The following ROBO1 variants were observed in gnomAD, a reference collection of about 807,000 sequenced individuals.
ROBO1 encodes the protein roundabout guidance receptor 1.
In ROBO1, 149 loss-of-function variants were observed where a neutral mutation model predicts 195.9. The ratio of observed to expected loss-of-function variants is 0.76; its 90% CI spans 0.67 to 0.87. The LOEUF (loss-of-function observed/expected upper bound fraction) is 0.87. Ranked by LOEUF, ROBO1 falls within the 40% of genes least tolerant of loss-of-function variation. The pLI, the probability that ROBO1 is intolerant of heterozygous loss-of-function variation, is 0.00. For missense variants in ROBO1, 1,933 were observed against 2,068.3 expected (o/e 0.93, Z 1.27); for synonymous variants, 816 against 733.2 (o/e 1.11, Z -1.82).
intron 2 of ROBO1, among the ~76,000 whole-genome samples, chr3:79,452,356 C>G (rs888239228): frequency 8.5e-5 from 13 of 152,210 alleles, no homozygotes; most frequent in African/African-American, 2.4e-4. Flanking sequence ...CTTCCCCCAT[C>G]TGGAGCATCA....
At position 78,627,473 on chromosome 3, in the gene ROBO1, G is replaced by C; in HGVS notation, c.3723C>G (p.Pro1241=). The change falls in exon 26 of 31, where the codon CCC becomes CCG. Residue 1241 remains proline, a synonymous_variant. Transcript: ENST00000464233. ...GAGAAGAAGCTGCTCCCCGAACAGG[G>C]GGAGTGGGGCCTCGTTCATCTTCCT... The part of the protein sequence containing the change: ...EEEEDERGPT[P]PVRGAASSPA... The C allele has an allele frequency of 6.2e-7, 1 of 1,613,192 alleles. No individual in the cohort carries two copies. Among genetic ancestry groups the C allele is most frequent in the South Asian group, 1.1e-5 (1 of 90,934 alleles).
chr3:78,909,807 AAC>A (rs2038141265), intron 4 of ROBO1, among the ~76,000 whole-genome samples: 1 of 151,802 alleles, frequency 6.6e-6, no homozygotes, highest in African/African-American at 2.4e-5. Flanking sequence ...ATTTTAGTAA[AAC>A]AGTTATTTAA....
At chr3:78,873,253 C>A (rs1210682240) in intron 4 of ROBO1, among the ~76,000 whole-genome samples, 1 of 152,128 alleles carries the variant, frequency 6.6e-6, no homozygotes, top group Non-Finnish European at 1.5e-5. Context: ...CAAGGGAACT[C>A]AGGTAGTTCC....
chr3:79,533,251 C>T (rs1256615192), intron 2 of ROBO1: 1 of 168,320 alleles, frequency 5.9e-6, no homozygotes, highest in Non-Finnish European at 1.3e-5. Flanking sequence ...ATATTTTTTA[C>T]ATCATCCATT....
chr3:78,762,645 T>A (rs555239173), intron 4 of ROBO1, among the ~76,000 whole-genome samples: 1 of 152,030 alleles, frequency 6.6e-6, no homozygotes, highest in East Asian at 1.9e-4. Flanking sequence ...ACTTGATTCA[T>A]GCATAGCAAT....
At chr3:79,290,131 C>T (rs1314589492) in intron 2 of ROBO1, among the ~76,000 whole-genome samples, 5 of 152,048 alleles carry the variant, frequency 3.3e-5, no homozygotes, top group African/African-American at 1.2e-4. Flanking sequence ...CTCCGCCTCC[C>T]GGATTCAAGT....
intron 1 of ROBO1, among the ~76,000 whole-genome samples, chr3:79,672,456 A>G (rs1328634806): frequency 2.0e-5 from 3 of 151,932 alleles, no homozygotes; most frequent in Non-Finnish European, 4.4e-5. Flanking sequence ...TTAATAACTC[A>G]TCCAATAAGT....
intron 2 of ROBO1, among the ~76,000 whole-genome samples, chr3:79,128,791 T>A (rs2080265644): frequency 6.6e-6 from 1 of 152,168 alleles, no homozygotes; most frequent in Non-Finnish European, 1.5e-5. Flanking sequence ...TCCAATTTTA[T>A]AATTAAGTCT....
At chr3:79,573,982 C>T (rs74749894) in intron 2 of ROBO1, among the ~76,000 whole-genome samples, 3,357 of 152,150 alleles carry the variant, frequency 0.022, 72 homozygotes, top group South Asian at 0.038. Flanking sequence ...GCACAAATTG[C>T]AACTATCCAG....
Position 78,801,776 on chromosome 3 carries a change from C to A in ROBO1, c.500-54876G>T, listed in dbSNP as rs1468488682. The stretch of plus-strand genomic sequence containing the variant: ...CAAATAGTAATACAACTCATTTGAA[C>A]ATGGAATGCCTCTAAATAATTTACA... On this transcript the variant is annotated intron_variant, in intron 4 of 30. Coordinates refer to ENST00000464233, the MANE Select transcript of ROBO1 (RefSeq NM_002941.4). 2.6e-5 allele frequency among the ~76,000 whole-genome samples: 4 copies of A among 152,082 alleles called. 1 individual carries two copies. Among genetic ancestry groups the A allele is most frequent in the Admixed American group, 2.6e-4 (4 of 15,276 alleles).
At chr3:79,690,144 C>A (rs193253451) in intron 1 of ROBO1, among the ~76,000 whole-genome samples, 1 of 151,986 alleles carries the variant, frequency 6.6e-6, no homozygotes, top group Admixed American at 6.6e-5. Context: ...CCGCTCCCCC[C>A]ACCCCAAAAA....
At chr3:79,357,998 T>C (rs1461839137) in intron 2 of ROBO1, among the ~76,000 whole-genome samples, 2 of 152,016 alleles carry the variant, frequency 1.3e-5, no homozygotes, top group Non-Finnish European at 2.9e-5. Context: ...AATACAAAAT[T>C]GGGGTTTGTC....
intron 2 of ROBO1, 119 bp from the exon 3 acceptor site, chr3:79,125,658 C>T (rs1175867550): frequency 9.6e-6 from 7 of 732,442 alleles, no homozygotes; most frequent in African/African-American, 1.7e-5. Context: ...CACACAAGGA[C>T]AACACACAGC....
chr3:78,616,975 C>G (rs1575781496), intron 27 of ROBO1, among the ~76,000 whole-genome samples: 1 of 152,140 alleles, frequency 6.6e-6, no homozygotes, highest in East Asian at 1.9e-4. Flanking sequence ...ATGAAAAGCA[C>G]TTGGTTTAGC....
At chr3:79,312,047 A>T (rs2033512318) in intron 2 of ROBO1, among the ~76,000 whole-genome samples, 1 of 152,292 alleles carries the variant, frequency 6.6e-6, no homozygotes, top group African/African-American at 2.4e-5. Context: ...CCTAACACTC[A>T]GCCCCAAAAC....
intron 8 of ROBO1, among the ~76,000 whole-genome samples, chr3:78,699,395 C>CAAAAAAAAAAAAAA (rs60574193): frequency 1.2e-5 from 1 of 83,044 alleles, no homozygotes; most frequent in Non-Finnish European, 2.2e-5. Flanking sequence ...ACTAAAAATA[C>CAAAAAAAAAAAAAA]AAAAAAAAAA....
At chr3:78,622,726 A>G (rs1291415345) in intron 26 of ROBO1, among the ~76,000 whole-genome samples, 3 of 152,328 alleles carry the variant, frequency 2.0e-5, no homozygotes, top group Admixed American at 1.3e-4. Flanking sequence ...CTAAATGTTA[A>G]CTGGCCTGGC....
chr3:79,531,592 AATATTTAAAT>A (rs1435822772), intron 2 of ROBO1, among the ~76,000 whole-genome samples: 1 of 152,172 alleles, frequency 6.6e-6, no homozygotes, highest in African/African-American at 2.4e-5. Context: ...TTTCTGTCTT[AATATTTAAAT>A]ATACACATGG....
chr3:78,755,788 G>T (rs999714673), intron 4 of ROBO1, among the ~76,000 whole-genome samples: 2 of 152,104 alleles, frequency 1.3e-5, no homozygotes, highest in Non-Finnish European at 2.9e-5. Flanking sequence ...CAGAACAAAA[G>T]ATATCCTTAT....
Sources: allele counts gnomAD v4.1 joint callset (sites outside exome capture counted in the v4.1 genomes callset), GRCh38; gene constraint gnomAD v4.1.1; transcripts MANE v1.5; gene names NCBI Gene and HGNC (gene_info 2026-07-23, HGNC 2026-07-21).